Variants in SELENON observed in about 807,000 individuals in gnomAD.
SELENON encodes selenoprotein N, 1.
A neutral mutation model predicts 59.5 loss-of-function variants in SELENON; 44 were observed. The observed-to-expected ratio is 0.74, with a 90% CI of 0.58 to 0.95. The LOEUF (loss-of-function observed/expected upper bound fraction) is 0.95. Ranked by LOEUF, SELENON falls within the 40% of genes least tolerant of loss-of-function variation. The pLI, the probability that SELENON is intolerant of heterozygous loss-of-function variation, is 0.00. For synonymous variants in SELENON, 320 were observed against 305.6 expected (o/e 1.05, Z -0.49); for missense variants, 674 against 721.4 (o/e 0.93, Z 0.75).
At position 25,807,196 on chromosome 1, in the gene SELENON, G is replaced by A. The variant is rs1351279112; in HGVS notation, c.538-1384G>A. Among the ~76,000 whole-genome samples the A allele has an allele frequency of 6.6e-6, 1 of 152,084 alleles. No individual in the cohort carries two copies. Among genetic ancestry groups the A allele is most frequent in the Non-Finnish European group, 1.5e-5 (1 of 68,024 alleles). On this transcript the variant is annotated intron_variant, in intron 4 of 12. Transcript: ENST00000361547. This position sits in a 1 kb window ranked among gnomAD's most constrained non-coding sequence, Gnocchi z 4.5. ...TTCAGGGAGGGACAGAAATTCCAAG[G>A]AGGAGCTCACAGGGAAGGGCATTGC...
At chr1:25,813,814 C>T in intron 10 of SELENON, 67 bp from the exon 10 acceptor site, 6 of 1,220,070 alleles carry the variant, frequency 4.9e-6, no homozygotes, top group Non-Finnish European at 7.3e-6. Context: ...CCCGTGAGGT[C>T]TCCCCAAAGC....
At position 25,805,575 on chromosome 1, in the gene SELENON, G is replaced by T. The variant is rs781106212; in HGVS notation, c.537+300G>T. Among the ~76,000 whole-genome samples the T allele has an allele frequency of 2.6e-5, 4 of 152,124 alleles. No individual in the cohort carries two copies. In the East Asian group the frequency reaches 7.7e-4, roughly 29 times the overall value. On this transcript the variant is annotated intron_variant, in intron 4 of 12. Transcript: ENST00000361547. ...GGGTGACTGAGCACAGGTTGGGGGG[G>T]TCTCGGAGGAAGCAGCAGTGCAGTA...
At chr1:25,804,644 G>GCCC (rs1242099442) in intron 3 of SELENON, among the ~76,000 whole-genome samples, 33 of 61,282 alleles carry the variant, frequency 5.4e-4, no homozygotes, top group African/African-American at 2.1e-3. Flanking sequence ...TGCCCCCCCC[G>GCCC]CCCCCCCCCC....
At position 25,812,631 on chromosome 1, in the gene SELENON, G is replaced by A. The variant is rs375298010; in HGVS notation, c.1282-56G>A. The A allele has an allele frequency of 4.3e-4, 591 of 1,361,336 alleles. 3 individuals are homozygous for A. The highest frequency in any genetic ancestry group is 1.8e-3 in the Middle Eastern group (7 of 3,994). 84.3% of individuals were successfully genotyped at this position (1,361,336 alleles called of 1,614,324 possible). A position where few individuals can be genotyped will look rare whatever the true frequency, so the allele number is the denominator to read the frequency against. ...CTTGCACACACTACAGACTCAGCCC[G>A]AGTGGGACCCTGGCCGCTTTGATGA... On this transcript the variant is annotated intron_variant, in intron 9 of 12. Transcript: ENST00000361547.
chr1:25,811,666 C>T (rs759268713), intron 8 of SELENON, 25 bp from the exon 8 acceptor site: 45 of 1,611,658 alleles, frequency 2.8e-5, no homozygotes, highest in Non-Finnish European at 3.4e-5. Context: ...CTGAGCCTTC[C>T]CCCTACCACT....
At chr1:25,804,438 C>T (rs1466276132) in intron 3 of SELENON, among the ~76,000 whole-genome samples, 1 of 152,074 alleles carries the variant, frequency 6.6e-6, no homozygotes, top group Non-Finnish European at 1.5e-5. Flanking sequence ...CACCCCCGCC[C>T]TCCGCTGGCT....
chr1:25,808,812 G>A (rs1228270132), intron 5 of SELENON, 23 bp downstream of exon 4: 4 of 1,613,020 alleles, frequency 2.5e-6, no homozygotes, highest in East Asian at 2.2e-5. Context: ...GGGGTGCGAC[G>A]TGGGGCCCCT....
chr1:25,813,819 C>G (rs900746024), intron 10 of SELENON, 62 bp from the exon 10 acceptor site: 1 of 1,338,850 alleles, frequency 7.5e-7, no homozygotes, highest in Non-Finnish European at 1.1e-6. Context: ...GAGGTCTCCC[C>G]AAAGCAAGAT....
chr1:25,816,986 A>G lies in SELENON; in HGVS notation c.*1268A>G, dbSNP rs1476607501. On this transcript the variant is annotated 3_prime_UTR_variant, in exon 13 of 13. Coordinates refer to ENST00000361547, the MANE Select transcript of SELENON (RefSeq NM_020451.3). ...ACTGTCCCATCCTCCACAAAGGCCC[A>G]CAGGCATGCCTGTACTCTCTTTCAT... 6.6e-6 allele frequency: 1 copy of G among 152,276 alleles called. No homozygotes were observed. Among genetic ancestry groups the G allele is most frequent in the African/African-American group, 2.4e-5 (1 of 41,432 alleles). The allele number at this position is 152,276 out of a possible 1,614,324, so 9.4% of individuals were successfully genotyped here.
At chr1:25,813,680 T>C in intron 10 of SELENON, 1 of 642,992 alleles carries the variant, frequency 1.6e-6, no homozygotes, top group Non-Finnish European at 2.9e-6. Flanking sequence ...CCCCTAACCC[T>C]AATCTCAGCC....
chr1:25,804,635 G>GGCCCC (rs2047887403), intron 3 of SELENON, among the ~76,000 whole-genome samples: 1 of 35,156 alleles, frequency 2.8e-5, no homozygotes, highest in African/African-American at 1.4e-4. Flanking sequence ...CTGGGGCAAT[G>GGCCCC]CCCCCCCCGC....
intron 10 of SELENON, chr1:25,813,442 C>A: frequency 2.9e-6 from 1 of 342,246 alleles, no homozygotes; most frequent in Non-Finnish European, 5.8e-6. Context: ...GAGTGTTCTA[C>A]AGGGGACAGT....
In SELENON at chr1:25,808,540, G is replaced by C. The variant is rs371382207; in HGVS notation, c.538-40G>C. 17 of 1,609,362 alleles carry C rather than the reference G, an allele frequency of 1.1e-5. No homozygotes were observed. In the African/African-American group the frequency reaches 2.3e-4, roughly 22 times the overall value. ...CATGGTACAGGAGACCCCGGAGTCA[G>C]GTTCTCAGATTCCTGGAGCTTTGCT... On this transcript the variant is annotated intron_variant, in intron 4 of 12. Transcript: ENST00000361547.
chr1:25,809,790 G>A lies in SELENON; in HGVS notation c.980G>A (p.Arg327His), dbSNP rs556232275. The A allele has an allele frequency of 4.2e-5, 68 of 1,613,904 alleles. 1 individual carries two copies. In the East Asian group the frequency reaches 8.5e-4, roughly 20 times the overall value. The change falls in exon 7 of 13, where the codon CGC (arginine) becomes CAC (histidine). Residue 327 changes from arginine to histidine, a missense_variant. Physicochemically the swap from Arg to His is conservative, Grantham distance 29 (BLOSUM62 0). Transcript: ENST00000361547. ...CTCTCCAAAGACGCCACCCACGTCC[G>A]CGACTTCCGGCTCTTCGTGCCCAAC... is the stretch of plus-strand genomic sequence containing the variant.
chr1:25,815,523 T>C, intron 12 of SELENON, 25 bp from the exon 12 acceptor site: 1 of 1,613,182 alleles, frequency 6.2e-7, no homozygotes, highest in South Asian at 1.1e-5. Context: ...TCCGCCCCAC[T>C]TGCCTCACCC....
At chr1:25,813,362 G>T (rs77367038) in intron 10 of SELENON, among the ~76,000 whole-genome samples, 2 of 152,198 alleles carry the variant, frequency 1.3e-5, no homozygotes, top group African/African-American at 4.8e-5. Context: ...GAAGGCAGAA[G>T]GGGTCCCTGC....
At chr1:25,806,819 CTTTTTT>C (rs889213068) in intron 4 of SELENON, among the ~76,000 whole-genome samples, 1 of 126,960 alleles carries the variant, frequency 7.9e-6, no homozygotes, top group African/African-American at 2.9e-5. Flanking sequence ...GAGCCCCTTT[CTTTTTT>C]TTTTTTTTTT....
At chr1:25,809,945 G>A in intron 7 of SELENON, 125 bp downstream of exon 6, 1 of 1,270,476 alleles carries the variant, frequency 7.9e-7, no homozygotes, top group Non-Finnish European at 1.1e-6. Flanking sequence ...CCATCTCATG[G>A]GGCTGACGTG....
intron 12 of SELENON, 52 bp downstream of exon 11, chr1:25,814,230 G>A (rs1328834564): frequency 2.1e-6 from 3 of 1,424,358 alleles, no homozygotes; most frequent in East Asian, 2.4e-5. Context: ...GGGGCCCCGG[G>A]AGCAACCAGC....
Sources: allele counts gnomAD v4.1 joint callset (sites outside exome capture counted in the v4.1 genomes callset), GRCh38; gene constraint gnomAD v4.1.1; non-coding constraint Gnocchi (gnomAD v3.1); transcripts MANE v1.5; gene names NCBI Gene and HGNC (gene_info 2026-07-23, HGNC 2026-07-21).